Variants in ZSWIM6 observed in about 807,000 individuals in gnomAD.
ZSWIM6 encodes zinc finger SWIM domain-containing protein 6.
A neutral mutation model predicts 113.2 loss-of-function variants in ZSWIM6; 9 were observed. That is an observed-to-expected ratio of 0.08 (90% confidence interval 0.05 to 0.14). The LOEUF is 0.14. Ranked by LOEUF, ZSWIM6 falls within the 10% of genes least tolerant of loss-of-function variation. ZSWIM6 has a pLI of 1.00. For synonymous variants in ZSWIM6, 611 were observed against 606.5 expected (o/e 1.01, Z -0.11); for missense variants, 1,162 against 1,552.2 (o/e 0.75, Z 4.22).
chr5:61,521,548 A>G, intron 5 of ZSWIM6, 106 bp downstream of exon 5: 3 of 942,008 alleles, frequency 3.2e-6, no homozygotes, highest in Non-Finnish European at 4.3e-6. Context: ...TACCAACTTA[A>G]GAACTTACAA....
At chr5:61,516,589 C>T (rs921799618) in intron 4 of ZSWIM6, among the ~76,000 whole-genome samples, 6 of 149,478 alleles carry the variant, frequency 4.0e-5, no homozygotes, top group Non-Finnish European at 8.9e-5. Flanking sequence ...TTCCTTTACT[C>T]TCCCTTTTTT....
rs968131960 is a variant in ZSWIM6 at position 61,521,143 on chromosome 5, A to T, written c.1334-120A>T. On this transcript the variant is annotated intron_variant, in intron 4 of 13. Coordinates refer to ENST00000252744, the MANE Select transcript of ZSWIM6 (RefSeq NM_020928.2). ...TTGATAATTTAAAAAATTTAAATTT[A>T]AAATTTTAAATATATAAATTACATT... The T allele has an allele frequency of 2.7e-5, 14 of 510,810 alleles. No individual in the cohort carries two copies. The South Asian group carries it at 3.7e-4, about 14-fold the overall frequency. The allele number at this position is 510,810 out of a possible 1,614,324, so 31.6% of individuals were successfully genotyped here. A position where few individuals can be genotyped will look rare whatever the true frequency, so the allele number is the denominator to read the frequency against.
At chr5:61,382,297 A>G (rs1447430763) in intron 1 of ZSWIM6, among the ~76,000 whole-genome samples, 1 of 152,220 alleles carries the variant, frequency 6.6e-6, no homozygotes, top group African/African-American at 2.4e-5. Context: ...TTTCAAAGGA[A>G]TTGAGTAGTC....
Position 61,377,701 on chromosome 5 carries a change from G to A in ZSWIM6, c.676+44753G>A, listed in dbSNP as rs147914093. Among the ~76,000 whole-genome samples the A allele has an allele frequency of 4.5e-3, 671 of 149,602 alleles. 3 individuals are homozygous for A. The highest frequency in any genetic ancestry group is 0.016 in the African/African-American group (644 of 40,440). On this transcript the variant is annotated intron_variant, in intron 1 of 13. Transcript: ENST00000252744. Reference sequence around the variant, plus strand: ...CACTGCACTCCAGCCTGGCGACAGAGCGAGACTTCGTCTCAAAAAAAAAAA... The same window carrying A: ...CACTGCACTCCAGCCTGGCGACAGAACGAGACTTCGTCTCAAAAAAAAAAA...
chr5:61,531,140 C>T (rs1051855499), intron 8 of ZSWIM6, among the ~76,000 whole-genome samples: 1 of 152,090 alleles, frequency 6.6e-6, no homozygotes, highest in Non-Finnish European at 1.5e-5. Context: ...TGTAATTTTA[C>T]TATTGTGTAA....
chr5:61,456,821 G>T (rs1038500517), intron 1 of ZSWIM6, among the ~76,000 whole-genome samples: 4 of 151,330 alleles, frequency 2.6e-5, no homozygotes, highest in Non-Finnish European at 5.9e-5. Context: ...ATATTTTACA[G>T]TACTAACATT....
At chr5:61,477,727 T>C (rs1308632943) in intron 2 of ZSWIM6, among the ~76,000 whole-genome samples, 1 of 152,204 alleles carries the variant, frequency 6.6e-6, no homozygotes, top group East Asian at 1.9e-4. Flanking sequence ...CCATCTTCAT[T>C]GCATAGCTCT....
chr5:61,543,976 G>A lies in ZSWIM6; in HGVS notation c.3307G>A (p.Val1103Ile). 1 of 1,551,848 alleles carries A rather than the reference G, an allele frequency of 6.4e-7. No homozygotes were observed. Among genetic ancestry groups the A allele is most frequent in the Non-Finnish European group, 8.7e-7 (1 of 1,147,016 alleles). Reference protein sequence around the residue: ...LVVKSVKCATVLSDILRRCTL... With the variant: ...LVVKSVKCATILSDILRRCTL... The stretch of plus-strand genomic sequence containing the variant: ...GGTCAAGAGTGTCAAGTGTGCAACG[G>A]TACTGTCAGACATTTTGCGCAGATG... Residue 1103 changes from valine (V) to isoleucine (I), a missense_variant, in exon 14 of 14, where the codon GTA (valine) becomes ATA (isoleucine). Val to Ile is a conservative substitution (Grantham distance 29). This residue lies in a region of ZSWIM6 where 113 missense variants were observed against 213.8 expected (regional missense o/e 0.53). Transcript: ENST00000252744. This position sits in a 1 kb window ranked among gnomAD's most constrained non-coding sequence, Gnocchi z 4.3.
In ZSWIM6 at chr5:61,535,618, C is replaced by T. The variant is rs774164666; in HGVS notation, c.2380C>T (p.Arg794Trp). The part of the protein sequence containing the change: ...LAYKIALRAM[R>W]LLVLESTAPS... ...ATACAAAATTGCACTGAGAGCAATG[C>T]GGTATGTATTCACAGCCCAGCTGGG... Residue 794 changes from arginine (R) to tryptophan (W), a missense_variant and splice_region_variant, in exon 10 of 14, where the codon CGG (arginine) becomes TGG (tryptophan). This residue lies in a region of ZSWIM6 where 620 missense variants were observed against 804.6 expected (regional missense o/e 0.77). Coordinates refer to ENST00000252744, the MANE Select transcript of ZSWIM6 (RefSeq NM_020928.2). 1.2e-5 allele frequency: 18 copies of T among 1,550,858 alleles called. No individual in the cohort carries two copies. Among genetic ancestry groups the T allele is most frequent in the Admixed American group, 2.0e-5 (1 of 50,970 alleles).
At chr5:61,534,971 G>C (rs2112282304) in intron 9 of ZSWIM6, among the ~76,000 whole-genome samples, 1 of 152,186 alleles carries the variant, frequency 6.6e-6, no homozygotes, top group South Asian at 2.1e-4. Context: ...AATGTGTATA[G>C]TTAGAGAGCT....
At chr5:61,447,658 G>A (rs767156482) in intron 1 of ZSWIM6, among the ~76,000 whole-genome samples, 1 of 152,156 alleles carries the variant, frequency 6.6e-6, no homozygotes, top group Non-Finnish European at 1.5e-5. Flanking sequence ...AATTCTCCTG[G>A]CTTGCAGCAG....
At chr5:61,494,202 G>A in intron 3 of ZSWIM6, 58 bp from the exon 4 acceptor site, 1 of 1,520,030 alleles carries the variant, frequency 6.6e-7, no homozygotes, top group Non-Finnish European at 8.9e-7. Flanking sequence ...TGTTGCTGTG[G>A]GGTTTTGTTG....
intron 1 of ZSWIM6, among the ~76,000 whole-genome samples, chr5:61,458,663 A>AG (rs1458917248): frequency 6.6e-6 from 1 of 152,086 alleles, no homozygotes; most frequent in Non-Finnish European, 1.5e-5. Context: ...GGATCACTTG[A>AG]GGTCAGGAGT....
chr5:61,456,054 A>G (rs1353335887), intron 1 of ZSWIM6, among the ~76,000 whole-genome samples: 1 of 152,020 alleles, frequency 6.6e-6, no homozygotes, highest in Non-Finnish European at 1.5e-5. Flanking sequence ...TCCTCATTTA[A>G]TCTGATTATG....
intron 1 of ZSWIM6, among the ~76,000 whole-genome samples, chr5:61,467,271 CATAAT>C (rs967816202): frequency 1.3e-5 from 2 of 152,078 alleles, no homozygotes; most frequent in African/African-American, 2.4e-5. Flanking sequence ...AAACTCACAA[CATAAT>C]ATATCTTTAT....
At chr5:61,379,753 T>C (rs1347486964) in intron 1 of ZSWIM6, among the ~76,000 whole-genome samples, 1 of 152,182 alleles carries the variant, frequency 6.6e-6, no homozygotes, top group Non-Finnish European at 1.5e-5. Flanking sequence ...ATACAATGCC[T>C]TCCCACAAAA....
intron 5 of ZSWIM6, among the ~76,000 whole-genome samples, chr5:61,522,080 G>GTTTTTTTTT (rs369447967): frequency 7.1e-6 from 1 of 141,612 alleles, no homozygotes; most frequent in Non-Finnish European, 1.6e-5. Context: ...TTTCTGTCCT[G>GTTTTTTTTT]TTTTTTTTGT....
intron 1 of ZSWIM6, among the ~76,000 whole-genome samples, chr5:61,416,950 T>G (rs1444149035): frequency 2.6e-5 from 4 of 152,330 alleles, no homozygotes; most frequent in Non-Finnish European, 5.9e-5. Flanking sequence ...GAGACCAGCC[T>G]GACCAACATG....
intron 1 of ZSWIM6, among the ~76,000 whole-genome samples, chr5:61,346,759 A>G (rs1744666915): frequency 6.6e-6 from 1 of 152,208 alleles, no homozygotes; most frequent in African/African-American, 2.4e-5. Flanking sequence ...GATCTCCCTT[A>G]GCAACTTACT....
Sources: allele counts gnomAD v4.1 joint callset (sites outside exome capture counted in the v4.1 genomes callset), GRCh38; gene constraint gnomAD v4.1.1; regional missense constraint gnomAD v4.1.1; non-coding constraint Gnocchi (gnomAD v3.1); transcripts MANE v1.5; gene names NCBI Gene and HGNC (gene_info 2026-07-23, HGNC 2026-07-21).